Variants in ITGAD observed in about 807,000 individuals in gnomAD.
The protein encoded by ITGAD is integrin alpha-D.
In ITGAD, 105 loss-of-function variants were observed where a neutral mutation model predicts 139.0. The observed-to-expected ratio is 0.76, with a 90% CI of 0.65 to 0.89. The LOEUF is 0.89. Ranked by LOEUF, ITGAD falls within the 40% of genes least tolerant of loss-of-function variation. ITGAD has a pLI of 0.00. For synonymous variants in ITGAD, 569 were observed against 598.3 expected (o/e 0.95, Z 0.71); for missense variants, 1,384 against 1,487.3 (o/e 0.93, Z 1.14).
At position 31,410,850 on chromosome 16, in the gene ITGAD, G is replaced by A; in HGVS notation, c.1328G>A (p.Arg443Lys). The A allele has an allele frequency of 6.2e-7, 1 of 1,613,898 alleles. No homozygotes were observed. Among genetic ancestry groups the A allele is most frequent in the African/African-American group, 1.3e-5 (1 of 74,992 alleles). Residue 443 changes from arginine to lysine, a missense_variant, in exon 12 of 30, where the codon AGG becomes AAG. Transcript: ENST00000389202. ...VIFTQVSRQW[R>K]KKAEVTGTQI... is the part of the protein sequence containing the mutation. Reference sequence around the variant, plus strand: ...TTCACCCAGGTGTCCAGGCAATGGAGGAAGAAGGCCGAAGTCACAGGGACG... The same window carrying A: ...TTCACCCAGGTGTCCAGGCAATGGAAGAAGAAGGCCGAAGTCACAGGGACG...
Position 31,397,654 on chromosome 16 carries a change from C to T in ITGAD, c.300C>T (p.Gly100=). 6.3e-7 allele frequency: 1 copy of T among 1,596,150 alleles called. No homozygotes were observed. The highest frequency in any genetic ancestry group is 1.1e-5 in the South Asian group (1 of 90,248). Residue 100 remains glycine (G), a synonymous_variant, in exon 4 of 30, where the codon GGC becomes GGT. Transcript: ENST00000389202. ...LGLTLAASTN[G]SRLLACGPTL... is the part of the protein sequence containing the mutation. ...TGACCCTGGCAGCCTCCACCAACGG[C>T]TCCCGGCTCCTGGTGAGTGAGTGTC...
At chr16:31,404,319 A>G (rs73538310) in intron 7 of ITGAD, 5,384 of 151,836 alleles carry the variant, frequency 0.035, 329 homozygotes, top group African/African-American at 0.12. Context: ...CCCCCGAGAA[A>G]GGCATGTGGT....
chr16:31,411,125 A>G lies in ITGAD; in HGVS notation c.1406A>G (p.Asp469Gly). Residue 469 changes from aspartate (D) to glycine (G), a missense_variant, in exon 13 of 30, where the codon GAT becomes GGT. Coordinates refer to ENST00000389202, the MANE Select transcript of ITGAD (RefSeq NM_005353.3). ...CTCTGCTCTGTGGATGTGGACAGCG[A>G]TGGCAGCACCGACCTGATCCTCATT... ...ASLCSVDVDS[D>G]GSTDLILIGA... 6.2e-7 allele frequency: 1 copy of G among 1,613,300 alleles called. No homozygotes were observed. Among genetic ancestry groups the G allele is most frequent in the Non-Finnish European group, 8.5e-7 (1 of 1,179,786 alleles).
rs200984023 is a variant in ITGAD, at chr16:31,423,676, C to T, written c.3045+28C>T. On this transcript the variant is annotated intron_variant, in intron 26 of 29. Transcript: ENST00000389202. ...GAGAAAGTCCCTGAACCCCCACCGC[C>T]AAGATCAGCCCCCACCGGGGATACT... The T allele has an allele frequency of 4.1e-5, 65 of 1,597,066 alleles. No homozygotes were observed. In the African/African-American group the frequency reaches 8.4e-4, roughly 21 times the overall value.
chr16:31,410,316 G>A, intron 10 of ITGAD, 79 bp from the exon 11 acceptor site: 3 of 1,587,194 alleles, frequency 1.9e-6, no homozygotes, highest in Non-Finnish European at 2.6e-6. Context: ...GGCGAGTGAT[G>A]CGGGTGGCAG....
chr16:31,412,864 C>T lies in ITGAD; in HGVS notation c.1734C>T (p.Pro578=), dbSNP rs367661611. 7 of 1,614,028 alleles carry T rather than the reference C, an allele frequency of 4.3e-6. No individual in the cohort carries two copies. Among genetic ancestry groups the T allele is most frequent in the Non-Finnish European group, 5.9e-6 (7 of 1,180,038 alleles). ...SQRIASSQLS[P]RLQYFGQALS... ...GGATTGCCAGCTCCCAGCTCTCCCC[C>T]AGGCTGCAGTATTTTGGGCAGGCGC... Residue 578 remains proline (P), a synonymous_variant, in exon 15 of 30, where the codon CCC becomes CCT. Coordinates refer to ENST00000389202, the MANE Select transcript of ITGAD (RefSeq NM_005353.3).
chr16:31,394,078 C>G (rs1251730589), intron 1 of ITGAD, among the ~76,000 whole-genome samples, 158 bp from the exon 2 acceptor site: 1 of 146,182 alleles, frequency 6.8e-6, no homozygotes, highest in African/African-American at 2.6e-5. Context: ...TTGCAGTGAG[C>G]TGAGATCGTG....
chr16:31,393,477 G>A (rs1469894666), intron 1 of ITGAD, 86 bp downstream of exon 1: 33 of 1,426,862 alleles, frequency 2.3e-5, no homozygotes, highest in African/African-American at 4.2e-5. Context: ...GCTGGTGGTC[G>A]GCTCCAACCA....
intron 9 of ITGAD, 49 bp downstream of exon 9, chr16:31,407,965 T>G (rs766247464): frequency 6.6e-7 from 1 of 1,516,952 alleles, no homozygotes; most frequent in Non-Finnish European, 8.8e-7. Context: ...CCCCACCCAA[T>G]TGTCCCGTGC....
At chr16:31,399,157 T>C (rs567666964) in intron 5 of ITGAD, among the ~76,000 whole-genome samples, 5 of 152,190 alleles carry the variant, frequency 3.3e-5, no homozygotes, top group Non-Finnish European at 7.4e-5. Context: ...AAGTTTGTTT[T>C]CCATGGGCAC....
At chr16:31,416,672 G>A in intron 20 of ITGAD, 26 bp downstream of exon 20, 1 of 1,586,666 alleles carries the variant, frequency 6.3e-7, no homozygotes, top group Non-Finnish European at 8.6e-7. Context: ...GGCTCTAGTG[G>A]GAGGGGGCCT....
rs141738009 is a variant in ITGAD, at chr16:31,418,371, G to T, written c.2687G>T (p.Ser896Ile). ...TLGDRMLMRASASSENNKASS... is the reference protein window; with the variant it reads ...TLGDRMLMRAIASSENNKASS... Reference sequence around the variant, plus strand: ...GGAGACAGGATGCTTATGAGGGCCAGTGCAAGCAGGTGGGTCCAGGCCAGG... The same window carrying T: ...GGAGACAGGATGCTTATGAGGGCCATTGCAAGCAGGTGGGTCCAGGCCAGG... The change falls in exon 22 of 30, where the codon AGT (serine) becomes ATT (isoleucine). Residue 896 changes from serine to isoleucine, a missense_variant. Ser to Ile is a moderately radical substitution (Grantham distance 142). Transcript: ENST00000389202. 85 of 1,614,036 alleles carry T rather than the reference G, an allele frequency of 5.3e-5. No individual in the cohort carries two copies. The African/African-American group carries it at 1.1e-3, about 20-fold the overall frequency.
Position 31,426,133 on chromosome 16 carries a change from C to T in ITGAD, c.*5C>T, listed in dbSNP as rs753482510. The T allele has an allele frequency of 1.9e-6, 3 of 1,579,332 alleles. No individual in the cohort carries two copies. In the South Asian group the frequency reaches 3.3e-5, roughly 18 times the overall value. On this transcript the variant is annotated 3_prime_UTR_variant, in exon 30 of 30. Coordinates refer to ENST00000389202, the MANE Select transcript of ITGAD (RefSeq NM_005353.3). ...CCAAATGTGCCTTTGTCCTAATAAT[C>T]CACTTTCCTGTTTATCTCTACCACT...
chr16:31,394,175 A>T, intron 1 of ITGAD, 61 bp from the exon 2 acceptor site: 3 of 851,266 alleles, frequency 3.5e-6, no homozygotes, highest in Non-Finnish European at 3.8e-6. Context: ...AGAGGCTGGG[A>T]GGTCCTAGGG....
chr16:31,422,596 A>G (rs992739465), intron 23 of ITGAD, among the ~76,000 whole-genome samples: 2 of 152,120 alleles, frequency 1.3e-5, no homozygotes, highest in African/African-American at 2.4e-5. Context: ...GAGGCCAAAC[A>G]CTACCTATTA....
At chr16:31,395,309 G>A (rs887537599) in intron 2 of ITGAD, among the ~76,000 whole-genome samples, 21 of 151,722 alleles carry the variant, frequency 1.4e-4, no homozygotes, top group South Asian at 4.2e-4. Flanking sequence ...GACAGAGTGA[G>A]ACTCCGTCAA....
rs768782979 is a variant in ITGAD at position 31,403,567 on chromosome 16, C to T, written c.626C>T (p.Pro209Leu). The T allele has an allele frequency of 8.7e-6, 14 of 1,614,182 alleles. No individual in the cohort carries two copies. Among genetic ancestry groups the T allele is most frequent in the Admixed American group, 3.3e-5 (2 of 60,010 alleles). The change falls in exon 7 of 30, where the codon CCG (proline) becomes CTG (leucine). Residue 209 changes from proline (P) to leucine (L), a missense_variant. Physicochemically the swap from Pro to Leu is moderately conservative, Grantham distance 98. Coordinates refer to ENST00000389202, the MANE Select transcript of ITGAD (RefSeq NM_005353.3). The surrounding 1 kb of genome is among the most constrained non-coding windows in gnomAD (Gnocchi z 4.4). ...ACCTTCACCCAATTCCGGACCAGCC[C>T]GAGCCAGCAGAGCCTGGTGGATCCC... is the stretch of plus-strand genomic sequence containing the variant. ...HFTFTQFRTSPSQQSLVDPIV... is the reference protein window; with the variant it reads ...HFTFTQFRTSLSQQSLVDPIV...
At position 31,395,317 on chromosome 16, in the gene ITGAD, CA is replaced by C. The variant is rs59637215; in HGVS notation, c.137+987del. ...CCTAGGTGACAGAGTGAGACTCCGT[CA>C]AAAAAAAAAAGTCATGGGAGAAGGG... On this transcript the variant is annotated intron_variant, in intron 2 of 29. Coordinates refer to ENST00000389202, the MANE Select transcript of ITGAD (RefSeq NM_005353.3). 1.6e-3 allele frequency among the ~76,000 whole-genome samples: 238 copies of C among 145,098 alleles called. 1 individual carries two copies. The highest frequency in any genetic ancestry group is 3.3e-3 in the African/African-American group (132 of 39,890).
intron 24 of ITGAD, 30 bp from the exon 25 acceptor site, chr16:31,423,322 A>G: frequency 6.2e-7 from 1 of 1,605,546 alleles, no homozygotes. Context: ...TCCAGAGACC[A>G]CAATAACACT....
Sources: allele counts gnomAD v4.1 joint callset (sites outside exome capture counted in the v4.1 genomes callset), GRCh38; gene constraint gnomAD v4.1.1; non-coding constraint Gnocchi (gnomAD v3.1); transcripts MANE v1.5; gene names NCBI Gene and HGNC (gene_info 2026-07-23, HGNC 2026-07-21).